ABHD2: variants seen among roughly 807,000 people sequenced by gnomAD.
ABHD2 encodes the protein monoacylglycerol lipase ABHD2.
A neutral mutation model predicts 48.1 loss-of-function variants in ABHD2; 20 were observed. The observed-to-expected ratio is 0.42, with a 90% CI of 0.29 to 0.60. ABHD2 has a LOEUF of 0.60. Among genes scored for constraint, ABHD2 ranks in the 20% least tolerant of loss-of-function variants. The pLI, the probability that ABHD2 is intolerant of heterozygous loss-of-function variation, is 0.24. For synonymous variants in ABHD2, 209 were observed against 214.2 expected (o/e 0.98, Z 0.21); for missense variants, 405 against 550.9 (o/e 0.74, Z 2.65).
upstream of ABHD2, among the ~76,000 whole-genome samples, chr15:89,083,614 G>C (rs143863085): frequency 1.0e-3 from 158 of 152,210 alleles, no homozygotes; most frequent in Non-Finnish European, 6.0e-4. This position sits in a 1 kb window ranked among gnomAD's most constrained non-coding sequence, Gnocchi z 5.1. Flanking sequence ...TCACCTGGTG[G>C]GAGGGAGGGC....
At chr15:89,043,687 GGGA>G in the ABHD2 span, among the ~76,000 whole-genome samples, 27 of 125,754 alleles carry the variant, frequency 2.1e-4, no homozygotes, top group East Asian at 1.6e-3. Context: ...AAGGAGGAGG[GGGA>G]GGAGGAGGAG....
chr15:89,071,416 C>G, the ABHD2 span, among the ~76,000 whole-genome samples: 1 of 152,022 alleles, frequency 6.6e-6, no homozygotes, highest in Non-Finnish European at 1.5e-5. Context: ...AGCAAAACCC[C>G]GTCTCAAAAG....
At chr15:89,193,349 CA>C in intron 10 of ABHD2, 30 bp downstream of exon 10, 1 of 1,577,334 alleles carries the variant, frequency 6.3e-7, no homozygotes, top group South Asian at 1.1e-5. Context: ...GCCCTCTCAA[CA>C]GCTCAGCAAG....
intron 5 of ABHD2, among the ~76,000 whole-genome samples, chr15:89,169,359 G>A (rs2050884361): frequency 6.6e-6 from 1 of 152,134 alleles, no homozygotes; most frequent in Non-Finnish European, 1.5e-5. Flanking sequence ...CTGTGTTTAA[G>A]TTCCTAGAAG....
chr15:89,061,890 A>C, the ABHD2 span, among the ~76,000 whole-genome samples: 2 of 152,124 alleles, frequency 1.3e-5, no homozygotes, highest in Non-Finnish European at 2.9e-5. Context: ...AGATAATTTC[A>C]AAAAGAGTAT....
In ABHD2 at chr15:89,114,244, G is replaced by C. The variant is rs1344952316; in HGVS notation, c.-7+420G>C. The stretch of plus-strand genomic sequence containing the variant: ...TAGTGCAGTGCTATGTACTTTTTTA[G>C]GCCACAGACCCTTTTTAGAGAATCT... On this transcript the variant is annotated intron_variant, in intron 2 of 10. Transcript: ENST00000352732. The surrounding 1 kb of genome is among the most constrained non-coding windows in gnomAD (Gnocchi z 4.2). Among the ~76,000 whole-genome samples, 6 of 152,102 alleles carry C rather than the reference G, an allele frequency of 3.9e-5. No homozygotes were observed. The highest frequency in any genetic ancestry group is 2.0e-4 in the Admixed American group (3 of 15,270).
the ABHD2 span, among the ~76,000 whole-genome samples, chr15:89,048,615 C>G: frequency 6.6e-6 from 1 of 151,964 alleles, no homozygotes; most frequent in South Asian, 2.1e-4. Context: ...TCTTTTTTCT[C>G]TAAACTTCCC....
At chr15:89,090,666 A>G (rs1302809575) in intron 1 of ABHD2, among the ~76,000 whole-genome samples, 1 of 152,146 alleles carries the variant, frequency 6.6e-6, no homozygotes, top group Non-Finnish European at 1.5e-5. Flanking sequence ...CTTTAAAATT[A>G]TCGTTAAAAG....
intron 5 of ABHD2, among the ~76,000 whole-genome samples, chr15:89,162,971 G>A (rs771045246): frequency 6.6e-6 from 1 of 152,194 alleles, no homozygotes; most frequent in Non-Finnish European, 1.5e-5. Flanking sequence ...GTTTGTGACT[G>A]TAAAATGATA....
In ABHD2 at chr15:89,102,016, T is replaced by A. The variant is rs562957812; in HGVS notation, c.-106-11709T>A. Among the ~76,000 whole-genome samples, 3 of 152,330 alleles carry A rather than the reference T, an allele frequency of 2.0e-5. No individual in the cohort carries two copies. The highest frequency in any genetic ancestry group is 7.2e-5 in the African/African-American group (3 of 41,568). On this transcript the variant is annotated intron_variant, in intron 1 of 10. Transcript: ENST00000352732. The surrounding 1 kb of genome is among the most constrained non-coding windows in gnomAD (Gnocchi z 4.8). ...ACCTGTGTAGCGTCATTTTCCAGGC[T>A]GATGTCTGGAATTCCCCTTGTAAGT...
In ABHD2 at chr15:89,123,659, A is replaced by C. The variant is rs1441742787; in HGVS notation, c.194+7138A>C. Reference sequence around the variant, plus strand: ...ATTACCCAGGTTGGAGTACAATGGCACAATCATGGCTCATTGTAGCCTCAA... The same window carrying C: ...ATTACCCAGGTTGGAGTACAATGGCCCAATCATGGCTCATTGTAGCCTCAA... On this transcript the variant is annotated intron_variant, in intron 3 of 10. Transcript: ENST00000352732. 1.1e-4 allele frequency among the ~76,000 whole-genome samples: 16 copies of C among 140,714 alleles called. No individual in the cohort carries two copies. The Admixed American group carries it at 1.2e-3, about 11-fold the overall frequency. 92.3% of individuals were successfully genotyped at this position (140,714 alleles called of 152,430 possible).
chr15:89,169,891 T>G (rs1596140693), intron 5 of ABHD2, among the ~76,000 whole-genome samples: 1 of 152,186 alleles, frequency 6.6e-6, no homozygotes, highest in South Asian at 2.1e-4. Context: ...TTTCCTACCC[T>G]AGACCCCCAG....
At chr15:89,077,278 C>G in the ABHD2 span, among the ~76,000 whole-genome samples, 1 of 152,228 alleles carries the variant, frequency 6.6e-6, no homozygotes, top group Non-Finnish European at 1.5e-5. Context: ...GCTTCTTTCA[C>G]TCACCTTTAT....
In ABHD2 at chr15:89,155,396, A is replaced by G; in HGVS notation, c.400A>G (p.Ile134Val). 6.2e-7 allele frequency: 1 copy of G among 1,614,152 alleles called. No homozygotes were observed. Among genetic ancestry groups the G allele is most frequent in the South Asian group, 1.1e-5 (1 of 91,082 alleles). ...DDITMVICPGIANHSEKQYIR... is the reference protein window; with the variant it reads ...DDITMVICPGVANHSEKQYIR... ...TATCACCATGGTCATCTGCCCTGGA[A>G]TTGCCAATCACAGCGAGAAGCAATA... The change falls in exon 5 of 11, where the codon ATT (isoleucine) becomes GTT (valine). Residue 134 changes from isoleucine (I) to valine (V), a missense_variant. Physicochemically the swap from Ile to Val is conservative, Grantham distance 29. Coordinates refer to ENST00000352732, the MANE Select transcript of ABHD2 (RefSeq NM_152924.5). The surrounding 1 kb of genome is among the most constrained non-coding windows in gnomAD (Gnocchi z 4.9).
chr15:89,169,249 A>G (rs2050882779), intron 5 of ABHD2, among the ~76,000 whole-genome samples: 1 of 152,184 alleles, frequency 6.6e-6, no homozygotes, highest in Non-Finnish European at 1.5e-5. Flanking sequence ...TCCAAAGTCT[A>G]GCGTTGGACT....
chr15:89,072,771 T>G, the ABHD2 span, among the ~76,000 whole-genome samples: 1 of 152,180 alleles, frequency 6.6e-6, no homozygotes, highest in African/African-American at 2.4e-5. Flanking sequence ...TGCCTCTTCT[T>G]GCCCTCAATA....
chr15:89,073,721 C>A, the ABHD2 span, among the ~76,000 whole-genome samples: 2 of 152,142 alleles, frequency 1.3e-5, no homozygotes, highest in Admixed American at 6.5e-5. Flanking sequence ...TTCAGCAGGT[C>A]TTGGGGGACC....
At chr15:89,105,015 G>GA (rs1832215874) in intron 1 of ABHD2, among the ~76,000 whole-genome samples, 2 of 152,166 alleles carry the variant, frequency 1.3e-5, no homozygotes, top group African/African-American at 2.4e-5. Context: ...TGTTCTCTTA[G>GA]AAAATCTAGA....
In ABHD2 at chr15:89,201,278, CT is replaced by C; in HGVS notation, c.*5859del. ...TAGCTTCATCATTTCTCCCTGAAGT[CT>C]TTTACACTCTTCTGTTAGTTTCCTT... On this transcript the variant is annotated 3_prime_UTR_variant, in exon 11 of 11. Transcript: ENST00000352732. 1 of 1,162,000 alleles carries C rather than the reference CT, an allele frequency of 8.6e-7. No homozygotes were observed. Among genetic ancestry groups the C allele is most frequent in the Non-Finnish European group, 1.3e-6 (1 of 785,256 alleles). The allele number at this position is 1,162,000 out of a possible 1,614,324, so 72.0% of individuals were successfully genotyped here. A position where few individuals can be genotyped will look rare whatever the true frequency, so the allele number is the denominator to read the frequency against.
Sources: gnomAD v4.1 joint callset for allele counts (sites outside exome capture counted in the v4.1 genomes callset) on GRCh38, gnomAD v4.1.1 for gene constraint, Gnocchi (gnomAD v3.1) non-coding constraint, MANE v1.5 for transcripts, NCBI Gene and HGNC (gene_info 2026-07-23, HGNC 2026-07-21) for gene names.